The following GRSF1 variants were observed in gnomAD, a reference collection of about 807,000 sequenced individuals.
GRSF1 encodes the protein G-rich RNA sequence binding factor 1, also known as G-rich sequence factor 1.
GRSF1 carries 50 observed loss-of-function variants against 51.1 expected under a neutral mutation model. That is an observed-to-expected ratio of 0.98 (90% CI 0.78 to 1.24). The LOEUF (loss-of-function observed/expected upper bound fraction) is 1.24. GRSF1 is among the 50% of genes most tolerant of loss of function. GRSF1 has a pLI of 0.00. For synonymous variants in GRSF1, 293 were observed against 253.3 expected (o/e 1.16, Z -1.49); for missense variants, 700 against 639.7 (o/e 1.09, Z -1.02).
chr4:70,818,349 G>A lies in GRSF1; in HGVS notation c.*2538C>T, dbSNP rs764153099. The stretch of plus-strand genomic sequence containing the variant: ...AAAAATAACTTTCCAAATGAGAACT[G>A]AGTAAGGGCTGTTCAGGGCAGAGGA... On this transcript the variant is annotated 3_prime_UTR_variant, in exon 10 of 10. Coordinates refer to ENST00000254799, the MANE Select transcript of GRSF1 (RefSeq NM_002092.4). 1.3e-5 allele frequency: 2 copies of A among 152,208 alleles called. No individual in the cohort carries two copies. The highest frequency in any genetic ancestry group is 2.9e-5 in the Non-Finnish European group (2 of 68,046). 9.4% of individuals were successfully genotyped at this position (152,208 alleles called of 1,614,324 possible).
At chr4:70,841,069 G>A (rs765937583), upstream of GRSF1, among the ~76,000 whole-genome samples, 9 of 152,144 alleles carry the variant, frequency 5.9e-5, no homozygotes, top group African/African-American at 9.7e-5. Context: ...GCTGAAGTGA[G>A]AGGATCACTG....
At chr4:70,835,460 T>A (rs66618010) in intron 2 of GRSF1, among the ~76,000 whole-genome samples, 139,963 of 142,248 alleles carry the variant, frequency 0.98, 68,839 homozygotes, top group South Asian at 1. Flanking sequence ...GTATGATGGA[T>A]TTTTTTTTTT....
rs1734016884 is a variant in GRSF1, at chr4:70,832,390, GA to G, written c.730del (p.Ser244ArgfsTer4). 6.2e-7 allele frequency: 1 copy of G among 1,611,226 alleles called. No individual in the cohort carries two copies. The highest frequency in any genetic ancestry group is 1.1e-5 in the South Asian group (1 of 91,012). ...ALMKSLQVKS[S>X]PVVNDGVVRL... ...AACCACACCATCATTTACCACAGGC[GA>G]AGATTTGACCTGCAAGCTCTTCATT... On this transcript the variant is annotated frameshift_variant, in exon 4 of 10. Transcript: ENST00000254799. LOFTEE classifies it high-confidence loss of function.
intron 1 of GRSF1, among the ~76,000 whole-genome samples, chr4:70,837,191 A>G (rs984106691): frequency 2.0e-5 from 3 of 152,212 alleles, no homozygotes; most frequent in Non-Finnish European, 2.9e-5. Flanking sequence ...CTTTTATCGG[A>G]TTAAGTAAAA....
At chr4:70,825,711 C>T (rs913306393) in intron 7 of GRSF1, 10 of 295,970 alleles carry the variant, frequency 3.4e-5, no homozygotes, top group East Asian at 1.5e-4. Flanking sequence ...GACAGTGGAT[C>T]GCTTGAGGTC....
rs6836297 is a variant in GRSF1, at chr4:70,826,528, T to A, written c.1136-283A>T. 6.6e-6 allele frequency among the ~76,000 whole-genome samples: 1 copy of A among 150,594 alleles called. No homozygotes were observed. On this transcript the variant is annotated intron_variant, in intron 6 of 9. Coordinates refer to ENST00000254799, the MANE Select transcript of GRSF1 (RefSeq NM_002092.4). The stretch of plus-strand genomic sequence containing the variant: ...ACCCTAAAAGAGACTTTCTAGATTA[T>A]AGGCACTGAAAAAAAAAAAAAAGAA...
chr4:70,832,525 A>C lies in GRSF1; in HGVS notation c.671-75T>G, dbSNP rs531845458. The C allele has an allele frequency of 3.6e-5, 29 of 816,282 alleles. No homozygotes were observed. The African/African-American group carries it at 4.3e-4, about 12-fold the overall frequency. 50.6% of individuals were successfully genotyped at this position (816,282 alleles called of 1,614,324 possible). A position where few individuals can be genotyped will look rare whatever the true frequency, so the allele number is the denominator to read the frequency against. Reference sequence around the variant, plus strand: ...CAAACCCATTAAAAAAAATCATTACAACTTGCTGGGTTATCTGAGAATTCA... The same window carrying C: ...CAAACCCATTAAAAAAAATCATTACCACTTGCTGGGTTATCTGAGAATTCA... On this transcript the variant is annotated intron_variant, in intron 3 of 9. Transcript: ENST00000254799.
chr4:70,820,124 C>T lies in GRSF1; in HGVS notation c.*763G>A, dbSNP rs1236960078. 1.3e-5 allele frequency: 2 copies of T among 152,222 alleles called. No individual in the cohort carries two copies. Among genetic ancestry groups the T allele is most frequent in the Admixed American group, 1.3e-4 (2 of 15,264 alleles). The allele number at this position is 152,222 out of a possible 1,614,324, so 9.4% of individuals were successfully genotyped here. On this transcript the variant is annotated 3_prime_UTR_variant, in exon 10 of 10. Coordinates refer to ENST00000254799, the MANE Select transcript of GRSF1 (RefSeq NM_002092.4). ...TTCACAGTTTTGAGACTAACAAACACCCTTAGGTCTACCCCAAACCAAAAA... is the reference window on the plus strand; with the variant it reads ...TTCACAGTTTTGAGACTAACAAACATCCTTAGGTCTACCCCAAACCAAAAA...
At chr4:70,842,025 C>T (rs764567328), upstream of GRSF1, among the ~76,000 whole-genome samples, 14 of 152,160 alleles carry the variant, frequency 9.2e-5, no homozygotes, top group Non-Finnish European at 1.3e-4. Flanking sequence ...CCAAGACAGC[C>T]TGGCTGGGAG....
chr4:70,826,009 A>T, intron 7 of GRSF1, 115 bp downstream of exon 7: 2 of 832,104 alleles, frequency 2.4e-6, no homozygotes, highest in South Asian at 1.6e-5. Context: ...ATGCCATCTT[A>T]CTATCCAACG....
chr4:70,823,974 C>CTTTTTTTTTTTTTTTTT lies in GRSF1; in HGVS notation c.*25+319_*25+320insAAAAAAAAAAAAAAAAA, dbSNP rs577909875. On this transcript the variant is annotated intron_variant, in intron 9 of 9. Coordinates refer to ENST00000254799, the MANE Select transcript of GRSF1 (RefSeq NM_002092.4). ...AAATAATTTCCACAGTTGTATCTCT[C>CTTTTTTTTTTTTTTTTT]TCTTTTTTTTTTTTTTTTTTGAGTC... Among the ~76,000 whole-genome samples the CTTTTTTTTTTTTTTTTT allele has an allele frequency of 5.9e-5, 6 of 100,960 alleles. 3 individuals carry two copies. The highest frequency in any genetic ancestry group is 7.2e-5 in the African/African-American group (2 of 27,654). 66.2% of individuals were successfully genotyped at this position (100,960 alleles called of 152,430 possible).
chr4:70,827,430 A>C (rs1189493811), intron 6 of GRSF1, among the ~76,000 whole-genome samples: 1 of 152,178 alleles, frequency 6.6e-6, no homozygotes, highest in Non-Finnish European at 1.5e-5. Context: ...AAAATGATTA[A>C]ATTAAAAACC....
chr4:70,828,108 C>T, intron 5 of GRSF1, 72 bp from the exon 6 acceptor site: 1 of 1,047,274 alleles, frequency 9.5e-7, no homozygotes. Flanking sequence ...TTAAAATAAA[C>T]ATGTATACAT....
At chr4:70,834,009 C>T (rs1734091260) in intron 2 of GRSF1, among the ~76,000 whole-genome samples, 1 of 152,156 alleles carries the variant, frequency 6.6e-6, no homozygotes, top group African/African-American at 2.4e-5. Context: ...CCTGTAATCC[C>T]AGCCCTTTGG....
At position 70,825,422 on chromosome 4, in the gene GRSF1, G is replaced by C. The variant is rs775135425; in HGVS notation, c.1267C>G (p.Pro423Ala). ...NAQDIINFFA[P>A]LKPVRITMEY... is the part of the protein sequence containing the mutation. The stretch of plus-strand genomic sequence containing the variant: ...ATGGTGATTCTAACAGGCTTGAGTG[G>C]AGCAAAAAACTAAACGACAAACAAA... The change falls in exon 8 of 10, where the codon CCA becomes GCA. Residue 423 changes from proline (P) to alanine (A), a missense_variant. Pro to Ala is a conservative substitution (Grantham distance 27). Coordinates refer to ENST00000254799, the MANE Select transcript of GRSF1 (RefSeq NM_002092.4). 6.2e-7 allele frequency: 1 copy of C among 1,606,882 alleles called. No individual in the cohort carries two copies. The highest frequency in any genetic ancestry group is 8.5e-7 in the Non-Finnish European group (1 of 1,175,732).
chr4:70,836,006 C>A (rs770390829), intron 2 of GRSF1, among the ~76,000 whole-genome samples, 152 bp downstream of exon 2: 42 of 152,148 alleles, frequency 2.8e-4, no homozygotes, highest in Non-Finnish European at 3.8e-4. Context: ...CAGTTCCCAA[C>A]CATCAAAAAG....
Position 70,817,974 on chromosome 4 carries a change from A to C in GRSF1, c.*2913T>G, listed in dbSNP as rs1215231605. The C allele has an allele frequency of 6.6e-6, 1 of 152,192 alleles. No individual in the cohort carries two copies. The highest frequency in any genetic ancestry group is 1.5e-5 in the Non-Finnish European group (1 of 68,046). 9.4% of individuals were successfully genotyped at this position (152,192 alleles called of 1,614,324 possible). On this transcript the variant is annotated 3_prime_UTR_variant, in exon 10 of 10. Coordinates refer to ENST00000254799, the MANE Select transcript of GRSF1 (RefSeq NM_002092.4). ...CATTCTCCTCTATACTATAGGTCCT[A>C]CCAATTCAATGTGAGTGTCTTCCGA...
intron 5 of GRSF1, among the ~76,000 whole-genome samples, chr4:70,829,082 G>C (rs1159874399): frequency 6.6e-6 from 1 of 151,726 alleles, no homozygotes; most frequent in African/African-American, 2.4e-5. Context: ...GTAGACATGG[G>C]TTCTTGCCAT....
Position 70,819,969 on chromosome 4 carries a change from T to G in GRSF1, c.*918A>C, listed in dbSNP as rs1733440404. On this transcript the variant is annotated 3_prime_UTR_variant, in exon 10 of 10. Coordinates refer to ENST00000254799, the MANE Select transcript of GRSF1 (RefSeq NM_002092.4). Reference sequence around the variant, plus strand: ...TTAAGCAAGGCACCCCTACTTGTTCTAAAATATGGGATGTACTACTCCATT... The same window carrying G: ...TTAAGCAAGGCACCCCTACTTGTTCGAAAATATGGGATGTACTACTCCATT... 2 of 152,668 alleles carry G rather than the reference T, an allele frequency of 1.3e-5. No individual in the cohort carries two copies. 9.5% of individuals were successfully genotyped at this position (152,668 alleles called of 1,614,324 possible). A position where few individuals can be genotyped will look rare whatever the true frequency, so the allele number is the denominator to read the frequency against.
Sources: allele counts gnomAD v4.1 joint callset (sites outside exome capture counted in the v4.1 genomes callset), GRCh38; gene constraint gnomAD v4.1.1; transcripts MANE v1.5; gene names NCBI Gene and HGNC (gene_info 2026-07-23, HGNC 2026-07-21).